ZNF521: variants seen among roughly 807,000 people sequenced by gnomAD.
ZNF521 encodes the protein zinc finger protein 521, also known as LYST-interacting protein 3.
Under a neutral mutation model 105.5 loss-of-function variants are expected in ZNF521, and 14 were observed. The observed-to-expected ratio is 0.13, with a 90% CI of 0.09 to 0.21. The LOEUF (loss-of-function observed/expected upper bound fraction) is 0.21, where lower values mean the gene tolerates loss of function less well. ZNF521 is among the 10% of genes least tolerant of loss of function. The pLI is 1.00. For missense variants in ZNF521, 1,233 were observed against 1,629.7 expected (o/e 0.76, Z 4.19); for synonymous variants, 635 against 606.0 (o/e 1.05, Z -0.70).
At chr18:25,351,969 A>AGGAGAGCCGGGAGCAGGAGGAGGAGC in intron 1 of ZNF521, 36 bp downstream of exon 1, 1 of 365,218 alleles carries the variant, frequency 2.7e-6, no homozygotes, top group Non-Finnish European at 5.6e-6. Flanking sequence ...GGAGGAGGAG[A>AGGAGAGCCGGGAGCAGGAGGAGGAGC]AGGAGTGTGC....
Position 25,130,456 on chromosome 18 carries a change from A to C in ZNF521, c.3659-38375T>G, listed in dbSNP as rs562836681. ...CAAAATCTATAGAACTGTGCAAAAC[A>C]GAGTGAACCCTAATATAAACCGTGA... On this transcript the variant is annotated intron_variant, in intron 5 of 7. Transcript: ENST00000361524. Among the ~76,000 whole-genome samples, 260 of 152,338 alleles carry C rather than the reference A, an allele frequency of 1.7e-3. 1 individual carries two copies. The highest frequency in any genetic ancestry group is 2.7e-3 in the Admixed American group (42 of 15,296).
At position 25,115,790 on chromosome 18, in the gene ZNF521, G is replaced by A. The variant is rs184565753; in HGVS notation, c.3659-23709C>T. Among the ~76,000 whole-genome samples the A allele has an allele frequency of 1.2e-3, 189 of 152,296 alleles. 2 individuals carry two copies. The highest frequency in any genetic ancestry group is 3.4e-3 in the Middle Eastern group (1 of 294). On this transcript the variant is annotated intron_variant, in intron 5 of 7. Transcript: ENST00000361524. ...CCAATCTCCTGTCTTCCTCAGGGGAGTGGGTTTTGAGGGAGTTGAGGTTGC... is the reference window on the plus strand; with the variant it reads ...CCAATCTCCTGTCTTCCTCAGGGGAATGGGTTTTGAGGGAGTTGAGGTTGC...
rs2035923640 is a variant in ZNF521, at chr18:25,197,556, G to T, written c.3574-2312C>A. On this transcript the variant is annotated intron_variant, in intron 4 of 7. Transcript: ENST00000361524. The stretch of plus-strand genomic sequence containing the variant: ...CTGCACACCTGTACACCATCTTTAA[G>T]TAAAGGGATTATAACCTCTGAACAG... Among the ~76,000 whole-genome samples the T allele has an allele frequency of 1.3e-5, 2 of 151,784 alleles. 1 individual carries two copies. The highest frequency in any genetic ancestry group is 4.1e-4 in the South Asian group (2 of 4,820).
intron 3 of ZNF521, among the ~76,000 whole-genome samples, chr18:25,315,266 T>C (rs1316428252): frequency 1.3e-5 from 2 of 152,188 alleles, no homozygotes; most frequent in Non-Finnish European, 2.9e-5. Context: ...ATTGCTAAAA[T>C]TGAAGAGAGG....
chr18:25,134,607 T>A (rs1470850692), intron 5 of ZNF521, among the ~76,000 whole-genome samples: 1 of 152,058 alleles, frequency 6.6e-6, no homozygotes, highest in East Asian at 1.9e-4. Context: ...GAATTGGGGG[T>A]GATGTGTTCC....
At chr18:25,215,786 G>A (rs1905288236) in intron 4 of ZNF521, among the ~76,000 whole-genome samples, 1 of 152,090 alleles carries the variant, frequency 6.6e-6, no homozygotes, top group Non-Finnish European at 1.5e-5. Context: ...GGTGATCACG[G>A]AACTGGGTAG....
intron 2 of ZNF521, among the ~76,000 whole-genome samples, chr18:25,338,868 C>G (rs1419528895): frequency 6.6e-6 from 1 of 152,120 alleles, no homozygotes; most frequent in Admixed American, 6.5e-5. Context: ...TCCTAAATAG[C>G]TAAGACATAA....
intron 3 of ZNF521, among the ~76,000 whole-genome samples, chr18:25,266,895 T>C (rs1909298674): frequency 6.6e-6 from 1 of 152,136 alleles, no homozygotes; most frequent in South Asian, 2.1e-4. Flanking sequence ...TTTTTCCATA[T>C]CCCAGTGACA....
intron 7 of ZNF521, among the ~76,000 whole-genome samples, chr18:25,083,808 C>T (rs1033281779): frequency 2.6e-5 from 4 of 151,796 alleles, no homozygotes; most frequent in South Asian, 2.1e-4. Flanking sequence ...CTCTCTCTGT[C>T]GCCCAGGCTG....
chr18:25,065,886 G>A (rs1433611522), intron 7 of ZNF521, among the ~76,000 whole-genome samples: 3 of 152,198 alleles, frequency 2.0e-5, no homozygotes, highest in Non-Finnish European at 4.4e-5. Context: ...GAGGTGCAAG[G>A]ACATGAACAA....
At chr18:25,121,304 G>A (rs919892922) in intron 5 of ZNF521, among the ~76,000 whole-genome samples, 27 of 137,028 alleles carry the variant, frequency 2.0e-4, no homozygotes, top group Non-Finnish European at 4.0e-4. Context: ...ACAAAGTCTC[G>A]CTCTGTTGCC....
intron 5 of ZNF521, among the ~76,000 whole-genome samples, chr18:25,151,218 T>G (rs2035042060): frequency 6.6e-6 from 1 of 152,158 alleles, no homozygotes; most frequent in South Asian, 2.1e-4. Flanking sequence ...CCCTGAATCT[T>G]TTAGAAATCC....
chr18:25,221,830 T>C (rs993204152), intron 4 of ZNF521, among the ~76,000 whole-genome samples: 1 of 152,204 alleles, frequency 6.6e-6, no homozygotes, highest in Admixed American at 6.5e-5. Flanking sequence ...TGAGTATTTA[T>C]TTTGTATTTT....
intron 3 of ZNF521, among the ~76,000 whole-genome samples, chr18:25,246,103 G>A (rs912993943): frequency 9.9e-5 from 15 of 152,108 alleles, no homozygotes; most frequent in Non-Finnish European, 1.8e-4. Flanking sequence ...GGAGGGATGC[G>A]TTAGGAGACA....
At chr18:25,278,447 A>G (rs1910170748) in intron 3 of ZNF521, among the ~76,000 whole-genome samples, 1 of 152,192 alleles carries the variant, frequency 6.6e-6, no homozygotes, top group African/African-American at 2.4e-5. Context: ...AAGTCCCATT[A>G]ATGCTAATGC....
At chr18:25,323,927 A>T (rs1600307692) in intron 2 of ZNF521, among the ~76,000 whole-genome samples, 2 of 152,140 alleles carry the variant, frequency 1.3e-5, no homozygotes, top group Non-Finnish European at 2.9e-5. Context: ...GGTTCTTAAA[A>T]AAAAAAAAGC....
chr18:25,066,651 G>A (rs938022780), intron 7 of ZNF521, among the ~76,000 whole-genome samples: 1 of 152,162 alleles, frequency 6.6e-6, no homozygotes, highest in South Asian at 2.1e-4. Context: ...GTAGACAGCA[G>A]AAGCGCCAAG....
chr18:25,245,604 G>A lies in ZNF521; in HGVS notation c.221-17907C>T, dbSNP rs116888641. Among the ~76,000 whole-genome samples the A allele has an allele frequency of 4.9e-3, 739 of 152,236 alleles. 6 individuals are homozygous for A. Among genetic ancestry groups the A allele is most frequent in the Middle Eastern group, 0.014 (4 of 294 alleles). ...TATTTTACCCATTTGTTCATCAAAC[G>A]GGCATTTTGCTAGGCACTGGGATCA... is the stretch of plus-strand genomic sequence containing the variant. On this transcript the variant is annotated intron_variant, in intron 3 of 7. Coordinates refer to ENST00000361524, the MANE Select transcript of ZNF521 (RefSeq NM_015461.3).
intron 4 of ZNF521, among the ~76,000 whole-genome samples, chr18:25,203,182 C>A (rs8086357): frequency 6.7e-4 from 102 of 152,196 alleles, no homozygotes; most frequent in African/African-American, 2.3e-3. Context: ...AACCAAGTGC[C>A]TATTTTGGTG....
Sources: allele counts gnomAD v4.1 joint callset (sites outside exome capture counted in the v4.1 genomes callset), GRCh38; gene constraint gnomAD v4.1.1; transcripts MANE v1.5; gene names NCBI Gene and HGNC (gene_info 2026-07-23, HGNC 2026-07-21).